The following EVI2B variants were observed in gnomAD, a reference collection of about 807,000 sequenced individuals.
EVI2B encodes ecotropic viral integration site 2B.
EVI2B carries 4 observed loss-of-function variants against 6.6 expected under a neutral mutation model. That is an observed-to-expected ratio of 0.61 (90% CI 0.30 to 1.39). The LOEUF (loss-of-function observed/expected upper bound fraction) is 1.39, where lower values mean the gene tolerates loss of function less well. EVI2B is among the 40% of genes most tolerant of loss of function. EVI2B has a pLI of 0.08. For synonymous variants in EVI2B, 181 were observed against 186.8 expected (o/e 0.97, Z 0.25); for missense variants, 484 against 516.6 (o/e 0.94, Z 0.61).
At chr17:31,307,930 C>T (rs1004726777) in intron 1 of EVI2B, 1 of 1,288,798 alleles carries the variant, frequency 7.8e-7, no homozygotes, top group Middle Eastern at 2.1e-4. Flanking sequence ...TACTCCTCTA[C>T]CACTTGGTAC....
rs1175147116 is a variant in EVI2B, at chr17:31,304,063, A to G, written c.*200T>C. The G allele has an allele frequency of 2.0e-6, 1 of 499,868 alleles. No homozygotes were observed. Among genetic ancestry groups the G allele is most frequent in the Admixed American group, 3.8e-5 (1 of 26,566 alleles). The allele number at this position is 499,868 out of a possible 1,614,324, so 31.0% of individuals were successfully genotyped here. ...GTACTATACTTTAAAGATAGGTACT[A>G]TAATTAGTAAATAGATTACTGTTAA... On this transcript the variant is annotated 3_prime_UTR_variant, in exon 2 of 2. Coordinates refer to ENST00000330927, the MANE Select transcript of EVI2B (RefSeq NM_006495.4).
chr17:31,310,396 G>T (rs1223312594), intron 1 of EVI2B, among the ~76,000 whole-genome samples: 1 of 151,852 alleles, frequency 6.6e-6, no homozygotes, highest in Non-Finnish European at 1.5e-5. Context: ...CAAGAAGGCA[G>T]TGTAGATGAT....
chr17:31,305,613 A>G lies in EVI2B; in HGVS notation c.-4T>C, dbSNP rs1198333063. 6.2e-7 allele frequency: 1 copy of G among 1,609,380 alleles called. No homozygotes were observed. The highest frequency in any genetic ancestry group is 1.3e-5 in the African/African-American group (1 of 74,844). ...AGATGAAATATTTGGGATCCATTTC[A>G]GAATATTTCCTCGTTATCTATAGCG... On this transcript the variant is annotated 5_prime_UTR_variant, in exon 2 of 2. Coordinates refer to ENST00000330927, the MANE Select transcript of EVI2B (RefSeq NM_006495.4).
intron 1 of EVI2B, among the ~76,000 whole-genome samples, chr17:31,306,149 T>C (rs907231933): frequency 9.9e-5 from 15 of 152,188 alleles, no homozygotes; most frequent in African/African-American, 3.6e-4. Context: ...TTCACTAATA[T>C]TCAAGTAGCT....
In EVI2B at chr17:31,304,116, C is replaced by A; in HGVS notation, c.*147G>T. ...AACTTTTTTTAAAAAAAAGTTTCAT[C>A]TATGCACATAGGCTCTGAGCAGATT... On this transcript the variant is annotated 3_prime_UTR_variant, in exon 2 of 2. Transcript: ENST00000330927. 1.4e-6 allele frequency: 1 copy of A among 726,412 alleles called. No individual in the cohort carries two copies. Among genetic ancestry groups the A allele is most frequent in the Non-Finnish European group, 2.2e-6 (1 of 463,102 alleles). 45.0% of individuals were successfully genotyped at this position (726,412 alleles called of 1,614,324 possible).
At chr17:31,312,953 T>C (rs747295775) in intron 1 of EVI2B, among the ~76,000 whole-genome samples, 65 of 152,168 alleles carry the variant, frequency 4.3e-4, no homozygotes, top group Non-Finnish European at 8.1e-4. Flanking sequence ...TTCTATCTTA[T>C]ACTATGTTCT....
At chr17:31,306,137 C>T (rs2068714466) in intron 1 of EVI2B, among the ~76,000 whole-genome samples, 1 of 152,112 alleles carries the variant, frequency 6.6e-6, no homozygotes, top group Non-Finnish European at 1.5e-5. Flanking sequence ...CACTACTGTT[C>T]CTTCACTAAT....
rs1000448883 is a variant in EVI2B, at chr17:31,304,457, C to T, written c.1153G>A (p.Gly385Arg). ...TGTATTATCTCAGATTTATGATCTC[C>T]ACAGTCTTGATTGAGACAGTCCAGA... ...PSLDCLNQDC[G>R]DHKSEIIQSF... Residue 385 changes from glycine to arginine, a missense_variant, in exon 2 of 2, where the codon GGA (glycine) becomes AGA (arginine). Coordinates refer to ENST00000330927, the MANE Select transcript of EVI2B (RefSeq NM_006495.4). 6.2e-7 allele frequency: 1 copy of T among 1,614,010 alleles called. No individual in the cohort carries two copies. The highest frequency in any genetic ancestry group is 1.3e-5 in the African/African-American group (1 of 74,922).
intron 1 of EVI2B, among the ~76,000 whole-genome samples, chr17:31,308,278 C>CA (rs1385927656): frequency 6.6e-6 from 1 of 152,046 alleles, no homozygotes; most frequent in East Asian, 1.9e-4. Context: ...GCTGGGACTA[C>CA]AGTAGGCATA....
intron 1 of EVI2B, chr17:31,307,933 C>T: frequency 7.8e-7 from 1 of 1,288,796 alleles, no homozygotes; most frequent in Non-Finnish European, 1.0e-6. Context: ...TCCTCTACCA[C>T]TTGGTACACA....
rs113128446 is a variant in EVI2B at position 31,308,071 on chromosome 17, T to G, written c.-21-2441A>C. 1.9e-3 allele frequency: 675 copies of G among 362,882 alleles called. 6 individuals are homozygous for G. The highest frequency in any genetic ancestry group is 0.013 in the African/African-American group (630 of 47,476). 22.5% of individuals were successfully genotyped at this position (362,882 alleles called of 1,614,324 possible). On this transcript the variant is annotated intron_variant, in intron 1 of 1. Transcript: ENST00000330927. ...CTCCTGCACACTGCTGAATTAATCT[T>G]AAAAGTGTGCATGATCAGGTTACTA...
At chr17:31,306,481 C>T (rs1238198242) in intron 1 of EVI2B, among the ~76,000 whole-genome samples, 1 of 151,934 alleles carries the variant, frequency 6.6e-6, no homozygotes, top group Non-Finnish European at 1.5e-5. Context: ...TCATCTTTAC[C>T]CTCACAACTG....
intron 1 of EVI2B, chr17:31,308,078 G>A: frequency 2.9e-6 from 1 of 340,576 alleles, no homozygotes; most frequent in South Asian, 2.5e-5. Context: ...TCTTAAAAGT[G>A]TGCATGATCA....
chr17:31,313,033 T>A (rs1054674927), intron 1 of EVI2B, among the ~76,000 whole-genome samples: 3 of 152,180 alleles, frequency 2.0e-5, no homozygotes, highest in Non-Finnish European at 2.9e-5. Context: ...GATTATTGAC[T>A]AACATTTTTG....
At position 31,314,022 on chromosome 17, in the gene EVI2B, A is replaced by C. The variant is rs1193093352; in HGVS notation, c.-65T>G. On this transcript the variant is annotated 5_prime_UTR_variant, in exon 1 of 2. An upstream open reading frame in the 5' UTR loses its in-frame stop. Coordinates refer to ENST00000330927, the MANE Select transcript of EVI2B (RefSeq NM_006495.4). ...TTGCAGAATGCTAAATTCTTGTTCTAACTGGACATTTTGGTGATTTGGCTA... is the reference window on the plus strand; with the variant it reads ...TTGCAGAATGCTAAATTCTTGTTCTCACTGGACATTTTGGTGATTTGGCTA... The C allele has an allele frequency of 2.5e-6, 1 of 398,046 alleles. No homozygotes were observed. The highest frequency in any genetic ancestry group is 4.4e-6 in the Non-Finnish European group (1 of 225,840). 24.7% of individuals were successfully genotyped at this position (398,046 alleles called of 1,614,324 possible).
At position 31,305,195 on chromosome 17, in the gene EVI2B, G is replaced by T; in HGVS notation, c.415C>A (p.Pro139Thr). 2 of 1,614,176 alleles carry T rather than the reference G, an allele frequency of 1.2e-6. No individual in the cohort carries two copies. The highest frequency in any genetic ancestry group is 1.7e-6 in the Non-Finnish European group (2 of 1,180,034). Residue 139 changes from proline to threonine, a missense_variant, in exon 2 of 2, where the codon CCA becomes ACA. Physicochemically the swap from Pro to Thr is conservative, Grantham distance 38 (BLOSUM62 -1). Transcript: ENST00000330927. ...PSARTSTTQP[P>T]KSFVYTFTQQ... ...GTAAAAGTATAGACAAATGACTTTG[G>T]TGGTTGTGTGGTAGAAGTACGGGCA...
chr17:31,307,840 A>G, intron 1 of EVI2B: 1 of 1,232,976 alleles, frequency 8.1e-7, no homozygotes, highest in Non-Finnish European at 1.1e-6. Context: ...ATATTTAGAG[A>G]GATTTGATGT....
At chr17:31,305,768 T>C (rs1268046623) in intron 1 of EVI2B, 138 bp from the exon 2 acceptor site, 6 of 736,786 alleles carry the variant, frequency 8.1e-6, no homozygotes, top group East Asian at 2.7e-5. Context: ...TTAGTAGTTA[T>C]TATTCCTAAT....
In EVI2B at chr17:31,305,149, T is replaced by C; in HGVS notation, c.461A>G (p.Gln154Arg). 6.2e-7 allele frequency: 1 copy of C among 1,614,222 alleles called. No individual in the cohort carries two copies. Among genetic ancestry groups the C allele is most frequent in the Middle Eastern group, 1.6e-4 (1 of 6,062 alleles). The change falls in exon 2 of 2, where the codon CAG (glutamine) becomes CGG (arginine). Residue 154 changes from glutamine to arginine, a missense_variant. Gln to Arg is a conservative substitution (Grantham distance 43). Transcript: ENST00000330927. Reference protein sequence around the residue: ...YTFTQQSSSVQIPSRKQITVH... With the variant: ...YTFTQQSSSVRIPSRKQITVH... ...AGTTATTTGTTTTCTAGAAGGGATC[T>C]GGACAGATGATGATTGTTGAGTAAA...
Sources: gnomAD v4.1 joint callset for allele counts (sites outside exome capture counted in the v4.1 genomes callset) on GRCh38, gnomAD v4.1.1 for gene constraint, MANE v1.5 for transcripts, NCBI Gene and HGNC (gene_info 2026-07-23, HGNC 2026-07-21) for gene names.